The following SPAG9 variants were observed in gnomAD, a reference collection of about 807,000 sequenced individuals.
SPAG9 encodes C-Jun-amino-terminal kinase-interacting protein 4.
A neutral mutation model predicts 166.5 loss-of-function variants in SPAG9; 35 were observed. That is an observed-to-expected ratio of 0.21 (90% CI 0.16 to 0.28). The LOEUF is 0.28. Among genes scored for constraint, SPAG9 ranks in the 10% least tolerant of loss-of-function variants. The probability of loss-of-function intolerance (pLI) is 1.00; values close to 1 mark genes in which losing one functional copy is unlikely to be tolerated. For missense variants in SPAG9, 1,235 were observed against 1,603.3 expected (o/e 0.77, Z 3.92); for synonymous variants, 534 against 565.5 (o/e 0.94, Z 0.79).
At chr17:50,974,368 C>T (rs1045881314) in intron 28 of SPAG9, among the ~76,000 whole-genome samples, 1 of 152,210 alleles carries the variant, frequency 6.6e-6, no homozygotes, top group African/African-American at 2.4e-5. Flanking sequence ...TCCTAGTTCA[C>T]TGCTTTTTCC....
At chr17:51,096,789 G>C (rs1296555871) in intron 1 of SPAG9, among the ~76,000 whole-genome samples, 1 of 152,212 alleles carries the variant, frequency 6.6e-6, no homozygotes. Context: ...GATTATATAA[G>C]AATGTAACAG....
In SPAG9 at chr17:51,018,342, C is replaced by T. The variant is rs897888711; in HGVS notation, c.1091+1817G>A. ...ATAGCACCACTGCATCCAGCCTAGGCGACAGAGCAAGACTGCATCTCAAAA... is the reference window on the plus strand; with the variant it reads ...ATAGCACCACTGCATCCAGCCTAGGTGACAGAGCAAGACTGCATCTCAAAA... On this transcript the variant is annotated intron_variant, in intron 8 of 29. Coordinates refer to ENST00000262013, the MANE Select transcript of SPAG9 (RefSeq NM_001130528.3). Among the ~76,000 whole-genome samples, 14 of 151,262 alleles carry T rather than the reference C, an allele frequency of 9.3e-5. No individual in the cohort carries two copies. The East Asian group carries it at 1.8e-3, about 19-fold the overall frequency.
chr17:51,008,407 G>C (rs1244306412), intron 9 of SPAG9, among the ~76,000 whole-genome samples: 2 of 151,832 alleles, frequency 1.3e-5, no homozygotes, highest in Non-Finnish European at 2.9e-5. Flanking sequence ...AAACCCACCA[G>C]TCACTCATCT....
At chr17:51,118,494 G>C (rs2049365250) in intron 1 of SPAG9, among the ~76,000 whole-genome samples, 1 of 152,310 alleles carries the variant, frequency 6.6e-6, no homozygotes, top group South Asian at 2.1e-4. Flanking sequence ...TTTAAGGCTG[G>C]AGGGAGCATT....
chr17:51,065,351 A>G (rs2047633947), intron 2 of SPAG9, among the ~76,000 whole-genome samples: 2 of 152,164 alleles, frequency 1.3e-5, no homozygotes, highest in East Asian at 1.9e-4. Context: ...AATTTTAAAC[A>G]GAGTCATTTG....
intron 6 of SPAG9, 74 bp downstream of exon 6, chr17:51,031,607 G>A: frequency 2.0e-6 from 2 of 1,005,146 alleles, no homozygotes; most frequent in Non-Finnish European, 1.5e-6. Flanking sequence ...CTTGAGAATA[G>A]CAGTTGAGGA....
At chr17:51,089,625 TATATATATATATATATATATATATATATA>T (rs2048401405) in intron 1 of SPAG9, among the ~76,000 whole-genome samples, 1 of 55,568 alleles carries the variant, frequency 1.8e-5, no homozygotes, top group African/African-American at 1.0e-4. Context: ...TTATTTTATA[TATATATATATATATATATATATATATATA>T]TATATATATA....
In SPAG9 at chr17:51,028,110, A is replaced by G. The variant is rs996565015; in HGVS notation, c.783+3571T>C. 2.0e-5 allele frequency among the ~76,000 whole-genome samples: 3 copies of G among 152,060 alleles called. No homozygotes were observed. The East Asian group carries it at 5.8e-4, about 29-fold the overall frequency. ...TTTTAAATAGATAAAAGCTTATAGA[A>G]TAAGGATATAAAGAAAATATTTTCA... On this transcript the variant is annotated intron_variant, in intron 6 of 29. Transcript: ENST00000262013.
rs146611088 is a variant in SPAG9, at chr17:51,047,333, T to C, written c.590+42A>G. The C allele has an allele frequency of 3.9e-4, 408 of 1,051,210 alleles. No individual in the cohort carries two copies. In the African/African-American group the frequency reaches 6.0e-3, roughly 16 times the overall value. 65.1% of individuals were successfully genotyped at this position (1,051,210 alleles called of 1,614,324 possible). A position where few individuals can be genotyped will look rare whatever the true frequency, so the allele number is the denominator to read the frequency against. On this transcript the variant is annotated intron_variant, in intron 4 of 29. Transcript: ENST00000262013. ...GAAAAACAGAAACAAACATATTATTTATTTTACTTTTTCTCAAGGCAAAAT... is the reference window on the plus strand; with the variant it reads ...GAAAAACAGAAACAAACATATTATTCATTTTACTTTTTCTCAAGGCAAAAT...
intron 29 of SPAG9, among the ~76,000 whole-genome samples, chr17:50,968,028 A>G (rs535738787): frequency 6.6e-6 from 1 of 152,336 alleles, no homozygotes; most frequent in South Asian, 2.1e-4. Context: ...GTTCCAACTG[A>G]CATACTGCAC....
At chr17:50,971,124 C>T (rs1272792232) in intron 28 of SPAG9, among the ~76,000 whole-genome samples, 1 of 151,858 alleles carries the variant, frequency 6.6e-6, no homozygotes, top group African/African-American at 2.4e-5. Flanking sequence ...ACCAGCCTGG[C>T]AAATATAGTA....
At position 51,031,919 on chromosome 17, in the gene SPAG9, G is replaced by T. The variant is rs1357799595; in HGVS notation, c.742-197C>A. 4.4e-6 allele frequency: 3 copies of T among 675,130 alleles called. No individual in the cohort carries two copies. In the South Asian group the frequency reaches 4.5e-5, roughly 10 times the overall value. The allele number at this position is 675,130 out of a possible 1,614,324, so 41.8% of individuals were successfully genotyped here. A position where few individuals can be genotyped will look rare whatever the true frequency, so the allele number is the denominator to read the frequency against. On this transcript the variant is annotated intron_variant, in intron 5 of 29. Coordinates refer to ENST00000262013, the MANE Select transcript of SPAG9 (RefSeq NM_001130528.3). ...ACACTCTAGTTTAAGTAATATCATG[G>T]TTCAGAAGCCACCACTTGGATCAGT...
chr17:51,120,641 C>G lies in SPAG9; in HGVS notation c.16G>C (p.Gly6Arg). The part of the protein sequence containing the change: MELED[G>R]VVYQEEPGGS... ...CCGGGCTCCTCCTGATACACCACAC[C>G]GTCCTCCAGCTCCATGGTGGCAAGC... The change falls in exon 1 of 30, where the codon GGT becomes CGT. Residue 6 changes from glycine (G) to arginine (R), a missense_variant. This residue lies in a region of SPAG9 where 83 missense variants were observed against 149.8 expected (regional missense o/e 0.55). Coordinates refer to ENST00000262013, the MANE Select transcript of SPAG9 (RefSeq NM_001130528.3). This position sits in a 1 kb window ranked among gnomAD's most constrained non-coding sequence, Gnocchi z 4.7. 1 of 1,606,550 alleles carries G rather than the reference C, an allele frequency of 6.2e-7. No homozygotes were observed. The highest frequency in any genetic ancestry group is 8.5e-7 in the Non-Finnish European group (1 of 1,177,076).
At chr17:50,990,040 T>G in intron 20 of SPAG9, 168 bp from the exon 21 acceptor site, 5 of 672,732 alleles carry the variant, frequency 7.4e-6, no homozygotes, top group Non-Finnish European at 1.3e-5. Context: ...CATTTTTTTT[T>G]TTTTTGAGAC....
chr17:51,054,835 T>A (rs1399340393), intron 3 of SPAG9, among the ~76,000 whole-genome samples: 1 of 152,150 alleles, frequency 6.6e-6, no homozygotes, highest in African/African-American at 2.4e-5. Flanking sequence ...ATCCTTTCCA[T>A]CTGCTACTGG....
At chr17:51,103,885 C>T (rs1039152031) in intron 1 of SPAG9, among the ~76,000 whole-genome samples, 2 of 152,278 alleles carry the variant, frequency 1.3e-5, no homozygotes, top group African/African-American at 2.4e-5. Context: ...GCACTTTCAA[C>T]GTGCTAGCTA....
intron 3 of SPAG9, among the ~76,000 whole-genome samples, chr17:51,051,349 TCCC>T (rs929229763): frequency 2.0e-5 from 3 of 151,540 alleles, no homozygotes; most frequent in African/African-American, 4.8e-5. Context: ...CCTCAGATAA[TCCC>T]CCCACCTCGG....
At chr17:51,108,736 A>G (rs1174204888) in intron 1 of SPAG9, among the ~76,000 whole-genome samples, 1 of 151,988 alleles carries the variant, frequency 6.6e-6, no homozygotes, top group Non-Finnish European at 1.5e-5. Context: ...GGCTCAAGCT[A>G]TCCTCCTTCC....
At chr17:51,053,848 A>ATAT (rs2047253920) in intron 3 of SPAG9, among the ~76,000 whole-genome samples, 2 of 64,256 alleles carry the variant, frequency 3.1e-5, no homozygotes, top group South Asian at 4.6e-4. Context: ...AAAAAAAAAA[A>ATAT]AAAAAAGTAT....
Sources: allele counts gnomAD v4.1 joint callset (sites outside exome capture counted in the v4.1 genomes callset), GRCh38; gene constraint gnomAD v4.1.1; regional missense constraint gnomAD v4.1.1; non-coding constraint Gnocchi (gnomAD v3.1); transcripts MANE v1.5; gene names NCBI Gene and HGNC (gene_info 2026-07-23, HGNC 2026-07-21).